The following GFPT2 variants were observed in gnomAD, a reference collection of about 807,000 sequenced individuals.
The protein encoded by GFPT2 is glutamine--fructose-6-phosphate aminotransferase [isomerizing] 2.
Under a neutral mutation model 85.6 loss-of-function variants are expected in GFPT2, and 62 were observed. The ratio of observed to expected loss-of-function variants is 0.72; its 90% CI spans 0.59 to 0.90. The LOEUF is 0.90. GFPT2 is among the 40% of genes least tolerant of loss of function. The pLI, the probability that GFPT2 is intolerant of heterozygous loss-of-function variation, is 0.00. For missense variants in GFPT2, 788 were observed against 893.4 expected, an observed-to-expected ratio of 0.88 and a Z score of 1.50; for synonymous variants, 368 against 344.5, an observed-to-expected ratio of 1.07 and a Z score of -0.75.
intron 16 of GFPT2, among the ~76,000 whole-genome samples, chr5:180,305,494 A>C (rs1241541461): frequency 6.6e-6 from 1 of 152,132 alleles, no homozygotes; most frequent in Non-Finnish European, 1.5e-5. Context: ...TGAAATGGTG[A>C]GACAGTCAAA....
At chr5:180,347,746 C>T (rs1764637584) in intron 1 of GFPT2, among the ~76,000 whole-genome samples, 1 of 152,190 alleles carries the variant, frequency 6.6e-6, no homozygotes, top group African/African-American at 2.4e-5. Flanking sequence ...CCTGGACACC[C>T]AGCCAGAAGG....
Position 180,328,086 on chromosome 5 carries a change from T to A in GFPT2, c.596+191A>T, listed in dbSNP as rs911475740. ...TTTCTGGTTTCTTTTTTTTTTTTTT[T>A]AATTCAGAAGTGTAGCACCACCAGC... On this transcript the variant is annotated intron_variant, in intron 7 of 18. Transcript: ENST00000253778. This position sits in a 1 kb window ranked among gnomAD's most constrained non-coding sequence, Gnocchi z 5.4. 2.7e-5 allele frequency among the ~76,000 whole-genome samples: 4 copies of A among 147,700 alleles called. No homozygotes were observed. The highest frequency in any genetic ancestry group is 4.5e-5 in the Non-Finnish European group (3 of 65,958).
intron 1 of GFPT2, among the ~76,000 whole-genome samples, chr5:180,347,642 T>C (rs6601111): frequency 0.96 from 146,439 of 152,234 alleles, 70,458 homozygotes; most frequent in Admixed American, 0.98. Context: ...AGCAAAGACA[T>C]CATGAAGGGG....
intron 17 of GFPT2, 87 bp downstream of exon 17, chr5:180,304,685 A>G: frequency 8.2e-7 from 1 of 1,223,290 alleles, no homozygotes; most frequent in South Asian, 1.3e-5. Flanking sequence ...CAGACCATCC[A>G]TCACTGGTAC....
chr5:180,340,357 C>T (rs1764490135), intron 1 of GFPT2, among the ~76,000 whole-genome samples: 1 of 148,898 alleles, frequency 6.7e-6, no homozygotes, highest in South Asian at 2.1e-4. Flanking sequence ...CAGGCATGTG[C>T]CACCACACCT....
At position 180,301,413 on chromosome 5, in the gene GFPT2, CT is replaced by C. The variant is rs1266982911; in HGVS notation, c.*150del. On this transcript the variant is annotated 3_prime_UTR_variant, in exon 19 of 19. Coordinates refer to ENST00000253778, the MANE Select transcript of GFPT2 (RefSeq NM_005110.4). ...ACAGTATCTGCTGTAAGCAAAAGCA[CT>C]TGGGTAGAAGGCACGTGGAAGCTGT... 1 of 711,880 alleles carries C rather than the reference CT, an allele frequency of 1.4e-6. No homozygotes were observed. Among genetic ancestry groups the C allele is most frequent in the Non-Finnish European group, 2.5e-6 (1 of 397,604 alleles). 44.1% of individuals were successfully genotyped at this position (711,880 alleles called of 1,614,324 possible).
intron 1 of GFPT2, among the ~76,000 whole-genome samples, chr5:180,351,596 A>G (rs982566836): frequency 2.0e-5 from 3 of 152,238 alleles, no homozygotes; most frequent in Non-Finnish European, 1.5e-5. Flanking sequence ...ACCACAAGTC[A>G]GTACCAGAAA....
At chr5:180,320,811 C>T (rs570477330) in intron 9 of GFPT2, among the ~76,000 whole-genome samples, 2 of 152,244 alleles carry the variant, frequency 1.3e-5, no homozygotes, top group South Asian at 4.1e-4. Context: ...CCACACGTGA[C>T]TGCCTGAAAA....
chr5:180,325,713 G>C (rs1228526012), intron 7 of GFPT2, among the ~76,000 whole-genome samples: 1 of 152,208 alleles, frequency 6.6e-6, no homozygotes, highest in African/African-American at 2.4e-5. Flanking sequence ...ACAACTTCTA[G>C]TGGTGGACGT....
At chr5:180,311,263 C>T (rs913884127) in intron 15 of GFPT2, among the ~76,000 whole-genome samples, 4 of 152,242 alleles carry the variant, frequency 2.6e-5, no homozygotes, top group Admixed American at 2.0e-4. Context: ...TCATCTCCGC[C>T]TCTCAGGCCT....
chr5:180,303,674 C>T (rs1018664678), intron 17 of GFPT2, among the ~76,000 whole-genome samples: 7 of 152,202 alleles, frequency 4.6e-5, no homozygotes, highest in African/African-American at 1.7e-4. Context: ...TGGATTTCAC[C>T]TCCCCGAAAC....
chr5:180,322,316 A>C (rs1012086660), intron 9 of GFPT2, among the ~76,000 whole-genome samples: 1 of 152,108 alleles, frequency 6.6e-6, no homozygotes, highest in African/African-American at 2.4e-5. Flanking sequence ...AAAGAAAAGA[A>C]TAGTAAGCCT....
At chr5:180,332,275 G>T (rs1405778151) in intron 4 of GFPT2, among the ~76,000 whole-genome samples, 1 of 151,416 alleles carries the variant, frequency 6.6e-6, no homozygotes, top group Non-Finnish European at 1.5e-5. Flanking sequence ...CGGGGGATGC[G>T]GTGAGGGATG....
chr5:180,332,291 C>T (rs1452060517), intron 4 of GFPT2, among the ~76,000 whole-genome samples: 1 of 152,108 alleles, frequency 6.6e-6, no homozygotes, highest in Non-Finnish European at 1.5e-5. Flanking sequence ...GGATGTCTGC[C>T]TCCACCCCAC....
chr5:180,312,557 A>G lies in GFPT2; in HGVS notation c.1432-13T>C, dbSNP rs181277007. Reference sequence around the variant, plus strand: ...GACTGGTATAAGCCTGTGCACAAAGAAGGAGGTGGCAGGGACCTTATTTTC... The same window carrying G: ...GACTGGTATAAGCCTGTGCACAAAGGAGGAGGTGGCAGGGACCTTATTTTC... On this transcript the variant is annotated splice_polypyrimidine_tract_variant and intron_variant, in intron 14 of 18. Transcript: ENST00000253778. The G allele has an allele frequency of 7.4e-6, 10 of 1,351,958 alleles. No individual in the cohort carries two copies. In the East Asian group the frequency reaches 1.8e-4, roughly 25 times the overall value. 83.7% of individuals were successfully genotyped at this position (1,351,958 alleles called of 1,614,324 possible). A position where few individuals can be genotyped will look rare whatever the true frequency, so the allele number is the denominator to read the frequency against.
At chr5:180,339,280 T>C (rs1470484137) in intron 1 of GFPT2, among the ~76,000 whole-genome samples, 2 of 143,724 alleles carry the variant, frequency 1.4e-5, no homozygotes, top group African/African-American at 5.3e-5. Flanking sequence ...CTCGGGAGGC[T>C]GGGGCAGGAG....
At chr5:180,342,034 C>T (rs1204837753) in intron 1 of GFPT2, among the ~76,000 whole-genome samples, 1 of 152,136 alleles carries the variant, frequency 6.6e-6, no homozygotes, top group South Asian at 2.1e-4. Context: ...ATGCTGTTCT[C>T]GTGAGAGTGA....
At chr5:180,325,949 C>T (rs1050218245) in intron 7 of GFPT2, among the ~76,000 whole-genome samples, 11 of 152,102 alleles carry the variant, frequency 7.2e-5, no homozygotes, top group African/African-American at 4.8e-5. Flanking sequence ...CACTTGAACC[C>T]GGGAGGCGGA....
chr5:180,315,964 A>C (rs1763998746), intron 13 of GFPT2, among the ~76,000 whole-genome samples: 1 of 152,232 alleles, frequency 6.6e-6, no homozygotes, highest in African/African-American at 2.4e-5. Context: ...CGTGACTCTC[A>C]ACCTAACAAA....
Sources: allele counts gnomAD v4.1 joint callset (sites outside exome capture counted in the v4.1 genomes callset), GRCh38; gene constraint gnomAD v4.1.1; non-coding constraint Gnocchi (gnomAD v3.1); transcripts MANE v1.5; gene names NCBI Gene and HGNC (gene_info 2026-07-23, HGNC 2026-07-21).